Variants in ATXN7L1 observed in about 807,000 individuals in gnomAD.
ATXN7L1 encodes the protein ataxin 7 like 1, also known as ataxin-7-like protein 1.
In ATXN7L1, 15 loss-of-function variants were observed where a neutral mutation model predicts 70.8. The observed-to-expected ratio is 0.21, with a 90% CI of 0.14 to 0.33. ATXN7L1 has a LOEUF of 0.33. ATXN7L1 is among the 10% of genes least tolerant of loss of function. The pLI, the probability that ATXN7L1 is intolerant of heterozygous loss-of-function variation, is 1.00. For synonymous variants in ATXN7L1, 440 were observed against 445.1 expected, an observed-to-expected ratio of 0.99 and a Z score of 0.14; for missense variants, 975 against 1,097.1, an observed-to-expected ratio of 0.89 and a Z score of 1.57.
chr7:105,873,322 A>C (rs1453905015), intron 2 of ATXN7L1, among the ~76,000 whole-genome samples: 2 of 152,200 alleles, frequency 1.3e-5, no homozygotes, highest in Admixed American at 6.5e-5. Flanking sequence ...GTCATGGACA[A>C]TCTACATACA....
chr7:105,634,378 G>C (rs1006285247), intron 7 of ATXN7L1, among the ~76,000 whole-genome samples: 24 of 152,320 alleles, frequency 1.6e-4, no homozygotes, highest in African/African-American at 5.3e-4. Context: ...TTAGGGAAGA[G>C]AGCAGAAGGC....
intron 3 of ATXN7L1, among the ~76,000 whole-genome samples, chr7:105,685,808 A>G (rs770330673): frequency 6.6e-6 from 1 of 152,196 alleles, no homozygotes; most frequent in South Asian, 2.1e-4. Flanking sequence ...TGACATTCTC[A>G]GGGCAGGTTC....
intron 4 of ATXN7L1, among the ~76,000 whole-genome samples, chr7:105,664,575 G>GTGTATGTATGTATATGTATA: frequency 1.5e-5 from 2 of 131,990 alleles, no homozygotes; most frequent in African/African-American, 5.7e-5. Flanking sequence ...GTATGTGTGT[G>GTGTATGTATGTATATGTATA]TATATATATA....
intron 9 of ATXN7L1, among the ~76,000 whole-genome samples, chr7:105,619,140 G>GTTTTTTTTTTTGTTTTTTTT (rs1794392175): frequency 2.0e-5 from 1 of 49,842 alleles, no homozygotes; most frequent in African/African-American, 8.2e-5. Flanking sequence ...GAAATCTTTA[G>GTTTTTTTTTTTGTTTTTTTT]TTTTTTTTTT....
At chr7:105,718,801 G>C (rs1467457699) in intron 3 of ATXN7L1, among the ~76,000 whole-genome samples, 1 of 152,240 alleles carries the variant, frequency 6.6e-6, no homozygotes, top group Non-Finnish European at 1.5e-5. Context: ...GGCTATGAGT[G>C]TTCAAAAATA....
intron 2 of ATXN7L1, among the ~76,000 whole-genome samples, chr7:105,838,811 A>C (rs1812787303): frequency 6.6e-6 from 1 of 152,190 alleles, no homozygotes; most frequent in Non-Finnish European, 1.5e-5. Context: ...GGTCTCTAGG[A>C]GTCTAGGAAT....
rs1327783605 is a variant in ATXN7L1, at chr7:105,841,426, T to C, written c.250+34386A>G. Among the ~76,000 whole-genome samples the C allele has an allele frequency of 2.0e-5, 3 of 152,248 alleles. No homozygotes were observed. The East Asian group carries it at 5.8e-4, about 29-fold the overall frequency. ...TGCAGCCAATCATGGTCCAAAAATA[T>C]TAAGTGGAAAATCCCAGAAGTAAAC... On this transcript the variant is annotated intron_variant, in intron 2 of 11. Coordinates refer to ENST00000419735, the MANE Select transcript of ATXN7L1 (RefSeq NM_020725.2).
chr7:105,835,051 A>C (rs776922715), intron 2 of ATXN7L1, among the ~76,000 whole-genome samples: 9 of 151,090 alleles, frequency 6.0e-5, no homozygotes, highest in South Asian at 2.1e-4. Context: ...AGCTGCATGA[A>C]TGCTGGGGGA....
At chr7:105,759,449 A>AGT (rs34887279) in intron 3 of ATXN7L1, among the ~76,000 whole-genome samples, 1,231 of 60,488 alleles carry the variant, frequency 0.02, 15 homozygotes, top group Middle Eastern at 0.042. Context: ...TTGGATAGTG[A>AGT]GTGTGTGTGT....
intron 2 of ATXN7L1, among the ~76,000 whole-genome samples, chr7:105,845,493 G>A (rs1376219419): frequency 9.1e-6 from 1 of 110,308 alleles, no homozygotes; most frequent in East Asian, 2.0e-4. Context: ...CAGATTCAAC[G>A]TAATCTTTGT....
In ATXN7L1 at chr7:105,665,100, C is replaced by T. The variant is rs1251661329; in HGVS notation, c.544G>A (p.Val182Ile). 1.9e-6 allele frequency: 3 copies of T among 1,551,602 alleles called. No individual in the cohort carries two copies. Among genetic ancestry groups the T allele is most frequent in the Non-Finnish European group, 2.6e-6 (3 of 1,146,988 alleles). Residue 182 changes from valine (V) to isoleucine (I), a missense_variant, in exon 4 of 12, where the codon GTC becomes ATC. Physicochemically the swap from Val to Ile is conservative, Grantham distance 29. Around this residue, in one of 5 missense-constraint regions of ATXN7L1, gnomAD observed 192 missense variants for 215.5 expected, o/e 0.89. Transcript: ENST00000419735. ...TCCCTTGATCCTTTCGCAGGAAAGA[C>T]TGTGTGCTGTTTGCTGCTGGAGGTA... ...LLTSSSKQHTVFPAKGSRDKP... is the reference protein window; with the variant it reads ...LLTSSSKQHTIFPAKGSRDKP...
intron 3 of ATXN7L1, among the ~76,000 whole-genome samples, chr7:105,778,453 G>A (rs1803046439): frequency 6.8e-6 from 1 of 147,982 alleles, no homozygotes; most frequent in Non-Finnish European, 1.5e-5. Flanking sequence ...TGAGGTTGCA[G>A]TGGGCAGTGA....
In ATXN7L1 at chr7:105,667,562, A is replaced by G. The variant is rs943142899; in HGVS notation, c.356-2274T>C. Among the ~76,000 whole-genome samples, 29 of 133,700 alleles carry G rather than the reference A, an allele frequency of 2.2e-4. 2 individuals are homozygous for G. The highest frequency in any genetic ancestry group is 1.1e-3 in the Admixed American group (14 of 12,804). The allele number at this position is 133,700 out of a possible 152,430, so 87.7% of individuals were successfully genotyped here. On this transcript the variant is annotated intron_variant, in intron 3 of 11. Transcript: ENST00000419735. ...AAAATACAAAAAATTAGCCGGGCGT[A>G]GTGGCGGGCGCCTGTAGTCCCAGCT...
intron 3 of ATXN7L1, among the ~76,000 whole-genome samples, chr7:105,753,437 T>C (rs994041281): frequency 3.3e-5 from 5 of 152,252 alleles, no homozygotes; most frequent in Non-Finnish European, 4.4e-5. Flanking sequence ...CTGTTATAGA[T>C]GACACTGGTA....
chr7:105,696,269 T>G (rs1010037347), intron 3 of ATXN7L1, among the ~76,000 whole-genome samples: 1 of 152,246 alleles, frequency 6.6e-6, no homozygotes, highest in Non-Finnish European at 1.5e-5. Flanking sequence ...TTCCCACTGC[T>G]AGTGAATACT....
Position 105,614,796 on chromosome 7 carries a change from T to TC in ATXN7L1, c.1537dup (p.Asp513GlyfsTer2), listed in dbSNP as rs1258251621. The TC allele has an allele frequency of 6.4e-7, 1 of 1,550,556 alleles. No homozygotes were observed. The highest frequency in any genetic ancestry group is 8.7e-7 in the Non-Finnish European group (1 of 1,146,390). On this transcript the variant is annotated frameshift_variant, in exon 10 of 12. Coordinates refer to ENST00000419735, the MANE Select transcript of ATXN7L1 (RefSeq NM_020725.2). LOFTEE classifies it high-confidence loss of function. This position sits in a 1 kb window ranked among gnomAD's most constrained non-coding sequence, Gnocchi z 4.3. ...GGCTGCTGGCGAGGGCAGGGGGCTATCTGCCGCAGGAGGGATCTTCCTAAA... is the reference window on the plus strand; with the variant it reads ...GGCTGCTGGCGAGGGCAGGGGGCTATCCTGCCGCAGGAGGGATCTTCCTAAA...
At chr7:105,744,912 A>G (rs1798408962) in intron 3 of ATXN7L1, among the ~76,000 whole-genome samples, 1 of 151,506 alleles carries the variant, frequency 6.6e-6, no homozygotes, top group Non-Finnish European at 1.5e-5. Context: ...TAATTCTTGT[A>G]TTTTTAGTAG....
At chr7:105,727,767 T>TATATATATATATAAA (rs34755557) in intron 3 of ATXN7L1, among the ~76,000 whole-genome samples, 7 of 100,298 alleles carry the variant, frequency 7.0e-5, no homozygotes, top group East Asian at 3.6e-4. Context: ...TATATATATA[T>TATATATATATATAAA]ATATATATAT....
chr7:105,723,986 T>G (rs758796143), intron 3 of ATXN7L1, among the ~76,000 whole-genome samples: 8 of 152,212 alleles, frequency 5.3e-5, no homozygotes, highest in Non-Finnish European at 1.0e-4. Flanking sequence ...AAAATCCTTC[T>G]TTGATGTAAC....
Sources: allele counts gnomAD v4.1 joint callset (sites outside exome capture counted in the v4.1 genomes callset), GRCh38; gene constraint gnomAD v4.1.1; regional missense constraint gnomAD v4.1.1; non-coding constraint Gnocchi (gnomAD v3.1); transcripts MANE v1.5; gene names NCBI Gene and HGNC (gene_info 2026-07-23, HGNC 2026-07-21).